ZSWIM6: variants seen among roughly 807,000 people sequenced by gnomAD.
ZSWIM6 encodes zinc finger SWIM domain-containing protein 6.
A neutral mutation model predicts 113.2 loss-of-function variants in ZSWIM6; 9 were observed. That is an observed-to-expected ratio of 0.08 (90% CI 0.05 to 0.14). The LOEUF is 0.14. ZSWIM6 is among the 10% of genes least tolerant of loss of function. The pLI, the probability that ZSWIM6 is intolerant of heterozygous loss-of-function variation, is 1.00. For missense variants in ZSWIM6, 1,162 were observed against 1,552.2 expected (o/e 0.75, Z 4.22); for synonymous variants, 611 against 606.5 (o/e 1.01, Z -0.11).
intron 1 of ZSWIM6, chr5:61,375,061 C>G (rs1745343087): frequency 6.5e-7 from 1 of 1,532,546 alleles, no homozygotes; most frequent in South Asian, 1.1e-5. Context: ...AAGGGTAAGT[C>G]TCTCCGGCCC....
chr5:61,347,996 T>G (rs1033440960), intron 1 of ZSWIM6, among the ~76,000 whole-genome samples: 1 of 151,068 alleles, frequency 6.6e-6, no homozygotes, highest in Non-Finnish European at 1.5e-5. Context: ...CTGAGGCGGG[T>G]GGATCACGAG....
At chr5:61,503,219 G>A (rs73107477) in intron 4 of ZSWIM6, among the ~76,000 whole-genome samples, 4,631 of 152,144 alleles carry the variant, frequency 0.03, 224 homozygotes, top group African/African-American at 0.11. Context: ...TTTGCTTCAG[G>A]GAGTTAATAA....
intron 1 of ZSWIM6, among the ~76,000 whole-genome samples, chr5:61,366,393 T>C (rs923144414): frequency 6.6e-6 from 1 of 151,912 alleles, no homozygotes; most frequent in African/African-American, 2.4e-5. Flanking sequence ...AGGTCTGAAA[T>C]GTGTGGTATC....
At chr5:61,516,010 A>G (rs1325604705) in intron 4 of ZSWIM6, among the ~76,000 whole-genome samples, 1 of 151,800 alleles carries the variant, frequency 6.6e-6, no homozygotes, top group Admixed American at 6.6e-5. Context: ...TTTTCATGGT[A>G]TATCTTTTTT....
chr5:61,355,431 AACACACACACACAC>A (rs34072520), intron 1 of ZSWIM6, among the ~76,000 whole-genome samples: 9,519 of 127,418 alleles, frequency 0.075, 397 homozygotes, highest in East Asian at 0.12. Context: ...GAGACTTTAA[AACACACACACACAC>A]ACACACACAC....
At chr5:61,504,993 G>A (rs1022175835) in intron 4 of ZSWIM6, among the ~76,000 whole-genome samples, 6 of 152,042 alleles carry the variant, frequency 3.9e-5, no homozygotes, top group South Asian at 2.1e-4. Context: ...GACATGTTTC[G>A]GAAAATTTTG....
chr5:61,386,872 A>G (rs940386858), intron 1 of ZSWIM6, among the ~76,000 whole-genome samples: 2 of 152,198 alleles, frequency 1.3e-5, no homozygotes, highest in South Asian at 2.1e-4. Flanking sequence ...AGAGAACATT[A>G]CTAGCTCTCA....
In ZSWIM6 at chr5:61,332,623, C is replaced by T. The variant is rs556865061; in HGVS notation, c.351C>T (p.Ser117=). 272 of 1,254,360 alleles carry T rather than the reference C, an allele frequency of 2.2e-4. 2 individuals carry two copies. In the African/African-American group the frequency reaches 4.1e-3, roughly 19 times the overall value. 77.7% of individuals were successfully genotyped at this position (1,254,360 alleles called of 1,614,324 possible). A position where few individuals can be genotyped will look rare whatever the true frequency, so the allele number is the denominator to read the frequency against. Residue 117 remains serine (S), a synonymous_variant, in exon 1 of 14, where the codon AGC becomes AGT. Transcript: ENST00000252744. ...TAGTCTATTGGTCCTTCCCCCGCAG[C>T]GAGCGGGAGATCTGCATGTACTCGT... is the stretch of plus-strand genomic sequence containing the variant. The part of the protein sequence containing the change: ...RRIVYWSFPR[S]EREICMYSSF...
chr5:61,542,000 G>T (rs1561286417), intron 13 of ZSWIM6, 35 bp downstream of exon 13: 4 of 1,523,654 alleles, frequency 2.6e-6, no homozygotes, highest in Non-Finnish European at 3.6e-6. Context: ...TTTCCTAGGT[G>T]CCTCATGGTA....
intron 1 of ZSWIM6, among the ~76,000 whole-genome samples, chr5:61,424,495 G>T (rs565174876): frequency 2.0e-5 from 3 of 152,256 alleles, no homozygotes; most frequent in East Asian, 3.9e-4. Flanking sequence ...GATAATCTCG[G>T]TTTTTTCCTC....
intron 13 of ZSWIM6, among the ~76,000 whole-genome samples, chr5:61,542,803 G>A (rs1316634143): frequency 6.6e-6 from 1 of 152,072 alleles, no homozygotes; most frequent in African/African-American, 2.4e-5. Flanking sequence ...CTTTGCCCCT[G>A]CCCCAACATA....
chr5:61,426,360 G>A (rs958136601), intron 1 of ZSWIM6, among the ~76,000 whole-genome samples: 1 of 152,162 alleles, frequency 6.6e-6, no homozygotes, highest in Admixed American at 6.5e-5. Flanking sequence ...CTCCATTAAT[G>A]TATTTTTAAC....
At chr5:61,352,004 C>T (rs866801771) in intron 1 of ZSWIM6, among the ~76,000 whole-genome samples, 1 of 152,184 alleles carries the variant, frequency 6.6e-6, no homozygotes, top group Non-Finnish European at 1.5e-5. Flanking sequence ...CCTTCAGTGG[C>T]GTCCCTTTGT....
intron 2 of ZSWIM6, among the ~76,000 whole-genome samples, chr5:61,490,073 T>C (rs1580032181): frequency 6.6e-6 from 1 of 152,126 alleles, no homozygotes. Flanking sequence ...TTTTATTTTA[T>C]TGGCAAATAA....
chr5:61,503,922 A>AT (rs1219609860), intron 4 of ZSWIM6, among the ~76,000 whole-genome samples: 2 of 152,136 alleles, frequency 1.3e-5, no homozygotes, highest in African/African-American at 4.8e-5. Flanking sequence ...TCCTGTATTA[A>AT]TGTCTATTTG....
chr5:61,473,184 T>C (rs1007721426), intron 2 of ZSWIM6, 147 bp downstream of exon 2: 2 of 546,344 alleles, frequency 3.7e-6, no homozygotes, highest in African/African-American at 3.8e-5. Context: ...ACATTTGTAT[T>C]CTAAAACATT....
intron 1 of ZSWIM6, chr5:61,391,843 C>G (rs1356334793): frequency 1.4e-6 from 1 of 731,098 alleles, no homozygotes; most frequent in Non-Finnish European, 2.4e-6. Flanking sequence ...GGACCCATGT[C>G]TGGGAGCGGA....
At position 61,477,412 on chromosome 5, in the gene ZSWIM6, A is replaced by G. The variant is rs528059177; in HGVS notation, c.1033+4375A>G. Reference sequence around the variant, plus strand: ...GGATGAGGGTTGGCACATGACATCTAAGATCTCTTCCAGCTCTGTGTCTTT... The same window carrying G: ...GGATGAGGGTTGGCACATGACATCTGAGATCTCTTCCAGCTCTGTGTCTTT... On this transcript the variant is annotated intron_variant, in intron 2 of 13. Transcript: ENST00000252744. 5.9e-5 allele frequency among the ~76,000 whole-genome samples: 9 copies of G among 152,288 alleles called. 1 individual carries two copies. The East Asian group carries it at 1.5e-3, about 26-fold the overall frequency.
intron 1 of ZSWIM6, among the ~76,000 whole-genome samples, chr5:61,451,767 C>G (rs765834742): frequency 2.0e-5 from 3 of 151,992 alleles, no homozygotes; most frequent in Non-Finnish European, 4.4e-5. Flanking sequence ...TTGCTATTTT[C>G]TAGATTCATT....
Sources: allele counts gnomAD v4.1 joint callset (sites outside exome capture counted in the v4.1 genomes callset), GRCh38; gene constraint gnomAD v4.1.1; transcripts MANE v1.5; gene names NCBI Gene and HGNC (gene_info 2026-07-23, HGNC 2026-07-21).